The following NOL4 variants were observed in gnomAD, a reference collection of about 807,000 sequenced individuals.
NOL4 encodes the protein cancer/testis antigen 125.
In NOL4, 17 loss-of-function variants were observed where a neutral mutation model predicts 75.9. The observed-to-expected ratio is 0.22, with a 90% CI of 0.15 to 0.34. The LOEUF is 0.34. Ranked by LOEUF, NOL4 falls within the 10% of genes least tolerant of loss-of-function variation. The pLI, the probability that NOL4 is intolerant of heterozygous loss-of-function variation, is 1.00. For missense variants in NOL4, 614 were observed against 793.5 expected (o/e 0.77, Z 2.72); for synonymous variants, 292 against 289.9 (o/e 1.01, Z -0.07).
chr18:33,933,593 C>T (rs913377345), intron 9 of NOL4, among the ~76,000 whole-genome samples: 11 of 152,242 alleles, frequency 7.2e-5, no homozygotes, highest in African/African-American at 2.6e-4. Flanking sequence ...GAATTCACAG[C>T]ATTTTGACCA....
At chr18:34,166,612 T>C (rs2146224313) in intron 1 of NOL4, among the ~76,000 whole-genome samples, 1 of 152,262 alleles carries the variant, frequency 6.6e-6, no homozygotes, top group Admixed American at 6.5e-5. Context: ...CATAAATTTA[T>C]AACAATCATG....
chr18:34,180,040 T>C (rs2033902927), intron 1 of NOL4, among the ~76,000 whole-genome samples: 1 of 151,552 alleles, frequency 6.6e-6, no homozygotes. Context: ...GCTTCACTGG[T>C]GATTTTATCA....
chr18:33,945,696 A>G (rs990671876), intron 8 of NOL4, among the ~76,000 whole-genome samples: 3 of 151,762 alleles, frequency 2.0e-5, no homozygotes, highest in African/African-American at 7.2e-5. Flanking sequence ...AACCATGCAC[A>G]CTATCCTATT....
At chr18:34,134,559 G>A (rs193192130) in intron 1 of NOL4, among the ~76,000 whole-genome samples, 34 of 149,750 alleles carry the variant, frequency 2.3e-4, no homozygotes, top group Non-Finnish European at 4.1e-4. Flanking sequence ...AGCTGGAAAC[G>A]TAAAAGCTCA....
At chr18:34,013,764 C>A (rs2074520614) in intron 6 of NOL4, among the ~76,000 whole-genome samples, 1 of 151,942 alleles carries the variant, frequency 6.6e-6, no homozygotes. Flanking sequence ...ATTTATATGT[C>A]TGCTTTTTCT....
Position 33,969,106 on chromosome 18 carries a change from T to G in NOL4, c.1057-10688A>C, listed in dbSNP as rs148244940. On this transcript the variant is annotated intron_variant, in intron 6 of 10. Coordinates refer to ENST00000261592, the MANE Select transcript of NOL4 (RefSeq NM_003787.5). ...ATGAGATTTCAGGACATTTTAAGTT[T>G]CCCTGCGCAGTGATTGATGCCTTCA... 5.6e-4 allele frequency among the ~76,000 whole-genome samples: 86 copies of G among 152,296 alleles called. 2 individuals carry two copies. The East Asian group carries it at 0.014, about 26-fold the overall frequency.
intron 9 of NOL4, among the ~76,000 whole-genome samples, chr18:33,917,097 C>T (rs970230832): frequency 1.3e-5 from 2 of 152,078 alleles, no homozygotes; most frequent in African/African-American, 4.8e-5. Context: ...CAACTATCAG[C>T]AAGGTAATTA....
At chr18:33,886,804 C>T (rs886065963) in intron 9 of NOL4, among the ~76,000 whole-genome samples, 153 of 135,686 alleles carry the variant, frequency 1.1e-3, no homozygotes, top group African/African-American at 4.0e-3. Flanking sequence ...TATCTATATA[C>T]GTATATAGAT....
chr18:33,920,488 G>A (rs573316778), intron 9 of NOL4, among the ~76,000 whole-genome samples: 3 of 152,258 alleles, frequency 2.0e-5, no homozygotes, highest in African/African-American at 7.2e-5. Flanking sequence ...TCTTCAAAAA[G>A]TGCAATGTAA....
chr18:34,152,052 C>A (rs942405844), intron 1 of NOL4, among the ~76,000 whole-genome samples: 3 of 151,582 alleles, frequency 2.0e-5, no homozygotes, highest in Admixed American at 6.6e-5. Flanking sequence ...CTTTGTATCC[C>A]TTTTTAGTGC....
chr18:34,046,620 A>ATATATATATATATATATATATG (rs2076386562), intron 5 of NOL4, among the ~76,000 whole-genome samples: 2 of 133,678 alleles, frequency 1.5e-5, no homozygotes, highest in Non-Finnish European at 3.2e-5. Flanking sequence ...ATATATATAT[A>ATATATATATATATATATATATG]TATATATATA....
chr18:34,093,712 G>A, intron 4 of NOL4, 115 bp from the exon 5 acceptor site: 1 of 772,920 alleles, frequency 1.3e-6, no homozygotes, highest in Non-Finnish European at 1.9e-6. Context: ...ACAGAATTCA[G>A]AAAAATATGT....
intron 5 of NOL4, chr18:34,048,668 T>C (rs1430774905): frequency 2.3e-5 from 21 of 922,422 alleles, no homozygotes; most frequent in African/African-American, 3.6e-5. Flanking sequence ...GTGGGACTAC[T>C]GAGATGAGCC....
At chr18:33,878,169 G>A (rs970608816) in intron 10 of NOL4, among the ~76,000 whole-genome samples, 1 of 152,046 alleles carries the variant, frequency 6.6e-6, no homozygotes, top group Non-Finnish European at 1.5e-5. Context: ...AGGACTTTGG[G>A]AGCCCTGTTC....
At chr18:34,104,878 T>C (rs2079197529) in intron 3 of NOL4, among the ~76,000 whole-genome samples, 171 bp downstream of exon 3, 1 of 152,038 alleles carries the variant, frequency 6.6e-6, no homozygotes, top group South Asian at 2.1e-4. Flanking sequence ...GAATGGGCAC[T>C]GAATTACTTT....
chr18:34,096,318 C>T (rs2078776231), intron 4 of NOL4, among the ~76,000 whole-genome samples: 1 of 151,864 alleles, frequency 6.6e-6, no homozygotes, highest in African/African-American at 2.4e-5. Flanking sequence ...AATTACATTC[C>T]TTATTAGAAT....
intron 5 of NOL4, among the ~76,000 whole-genome samples, chr18:34,053,664 G>T (rs2076717670): frequency 6.6e-6 from 1 of 151,808 alleles, no homozygotes; most frequent in South Asian, 2.1e-4. Flanking sequence ...AGAAAATAAT[G>T]TTAGGAACAT....
intron 1 of NOL4, among the ~76,000 whole-genome samples, chr18:34,188,529 G>T (rs2034666659): frequency 1.3e-5 from 2 of 152,122 alleles, no homozygotes; most frequent in Non-Finnish European, 2.9e-5. Flanking sequence ...TGTTAAATCT[G>T]CTCAGAACAC....
intron 9 of NOL4, among the ~76,000 whole-genome samples, chr18:33,892,609 T>A (rs1160598716): frequency 2.7e-5 from 4 of 150,754 alleles, no homozygotes; most frequent in Non-Finnish European, 5.9e-5. Context: ...TACATTTTAT[T>A]CACCATGAAG....
Sources: gnomAD v4.1 joint callset for allele counts (sites outside exome capture counted in the v4.1 genomes callset) on GRCh38, gnomAD v4.1.1 for gene constraint, MANE v1.5 for transcripts, NCBI Gene and HGNC (gene_info 2026-07-23, HGNC 2026-07-21) for gene names.